MAST1: variants seen among roughly 807,000 people sequenced by gnomAD.
MAST1 encodes the protein microtubule-associated serine/threonine-protein kinase 1.
MAST1 carries 40 observed loss-of-function variants against 124.6 expected under a neutral mutation model. The ratio of observed to expected loss-of-function variants is 0.32; its 90% CI spans 0.25 to 0.42. MAST1 has a LOEUF of 0.42. Among genes scored for constraint, MAST1 ranks in the 10% least tolerant of loss-of-function variants. The probability of loss-of-function intolerance (pLI) is 1.00; values close to 1 mark genes in which losing one functional copy is unlikely to be tolerated. For synonymous variants in MAST1, 938 were observed against 939.4 expected (o/e 1.00, Z 0.03); for missense variants, 1,558 against 2,181.9 (o/e 0.71, Z 5.70).
At position 12,870,683 on chromosome 19, in the gene MAST1, G is replaced by C. The variant is rs143261932; in HGVS notation, c.3004-141G>C. The C allele has an allele frequency of 2.0e-3, 1,796 of 877,164 alleles. 6 individuals are homozygous for C. Among genetic ancestry groups the C allele is most frequent in the Non-Finnish European group, 2.5e-3 (1,568 of 615,758 alleles). 54.3% of individuals were successfully genotyped at this position (877,164 alleles called of 1,614,324 possible). On this transcript the variant is annotated intron_variant, in intron 22 of 25. Coordinates refer to ENST00000251472, the MANE Select transcript of MAST1 (RefSeq NM_014975.3). ...CCGTCCAAAAAAAAAAAAAAAATGT[G>C]GGGGGAGGAATAATAACTATTTCAC...
Position 12,841,189 on chromosome 19 carries a change from C to G in MAST1, c.248+123C>G. On this transcript the variant is annotated intron_variant, in intron 3 of 25. Coordinates refer to ENST00000251472, the MANE Select transcript of MAST1 (RefSeq NM_014975.3). This position sits in a 1 kb window ranked among gnomAD's most constrained non-coding sequence, Gnocchi z 4.3. ...GGGGCCTGAGGGGACCAGCGAGTGC[C>G]CCAAGGTCTCAGCGGGAAGGAGCGC... 1.6e-6 allele frequency: 1 copy of G among 615,350 alleles called. No individual in the cohort carries two copies. The highest frequency in any genetic ancestry group is 2.9e-5 in the East Asian group (1 of 34,342). The allele number at this position is 615,350 out of a possible 1,614,324, so 38.1% of individuals were successfully genotyped here. A position where few individuals can be genotyped will look rare whatever the true frequency, so the allele number is the denominator to read the frequency against.
rs775320826 is a variant in MAST1 at position 12,843,493 on chromosome 19, G to T, written c.249-36G>T. On this transcript the variant is annotated intron_variant, in intron 3 of 25. Transcript: ENST00000251472. This position sits in a 1 kb window ranked among gnomAD's most constrained non-coding sequence, Gnocchi z 4.9. ...CCTGAGGAGTTGGGGGACCGCTGGG[G>T]CCTTGTGGCCTCTGAGCACCTTGGC... 7.6e-6 allele frequency: 12 copies of T among 1,581,638 alleles called. No individual in the cohort carries two copies. The highest frequency in any genetic ancestry group is 8.7e-6 in the Non-Finnish European group (10 of 1,153,184).
rs781524988 is a variant in MAST1 at position 12,841,090 on chromosome 19, C to T, written c.248+24C>T. Reference sequence around the variant, plus strand: ...AGGTGAGTCCCTCCCCTCCAGGGCCCCAGAACCCTGGGCAGACCCTCCCCA... The same window carrying T: ...AGGTGAGTCCCTCCCCTCCAGGGCCTCAGAACCCTGGGCAGACCCTCCCCA... On this transcript the variant is annotated intron_variant, in intron 3 of 25. Transcript: ENST00000251472. This position sits in a 1 kb window ranked among gnomAD's most constrained non-coding sequence, Gnocchi z 4.3. 7.9e-7 allele frequency: 1 copy of T among 1,261,394 alleles called. No homozygotes were observed. The highest frequency in any genetic ancestry group is 1.7e-5 in the Admixed American group (1 of 59,052). 78.1% of individuals were successfully genotyped at this position (1,261,394 alleles called of 1,614,324 possible). A position where few individuals can be genotyped will look rare whatever the true frequency, so the allele number is the denominator to read the frequency against.
Position 12,847,260 on chromosome 19 carries a change from C to A in MAST1, c.328-30C>A. The A allele has an allele frequency of 6.5e-7, 1 of 1,542,430 alleles. No homozygotes were observed. Among genetic ancestry groups the A allele is most frequent in the Non-Finnish European group, 8.9e-7 (1 of 1,121,138 alleles). On this transcript the variant is annotated intron_variant, in intron 4 of 25. Transcript: ENST00000251472. This position sits in a 1 kb window ranked among gnomAD's most constrained non-coding sequence, Gnocchi z 5.5. The stretch of plus-strand genomic sequence containing the variant: ...TGAGCTGTTGGGGGGCCCATGGTGG[C>A]TCTGACCCCGGCCCTGCCCCTGTCC...
rs938165577 is a variant in MAST1, at chr19:12,853,887, A to C, written c.1077+1492A>C. Among the ~76,000 whole-genome samples, 71 of 136,754 alleles carry C rather than the reference A, an allele frequency of 5.2e-4. 1 individual carries two copies. Among genetic ancestry groups the C allele is most frequent in the Admixed American group, 2.6e-3 (34 of 13,156 alleles). The allele number at this position is 136,754 out of a possible 152,430, so 89.7% of individuals were successfully genotyped here. A position where few individuals can be genotyped will look rare whatever the true frequency, so the allele number is the denominator to read the frequency against. On this transcript the variant is annotated intron_variant, in intron 10 of 25. Coordinates refer to ENST00000251472, the MANE Select transcript of MAST1 (RefSeq NM_014975.3). The stretch of plus-strand genomic sequence containing the variant: ...TCTGTCTCAAAATAATAATAATAAT[A>C]ATAATAATAATAATAATAATAATGA...
At chr19:12,856,290 G>C (rs1970016689) in intron 10 of MAST1, among the ~76,000 whole-genome samples, 2 of 148,610 alleles carry the variant, frequency 1.3e-5, no homozygotes, top group African/African-American at 4.9e-5. Context: ...TGATTACATA[G>C]TTTTATTTTG....
At chr19:12,853,165 T>C (rs561117906) in intron 10 of MAST1, among the ~76,000 whole-genome samples, 3 of 150,380 alleles carry the variant, frequency 2.0e-5, no homozygotes, top group African/African-American at 4.8e-5. Context: ...AGACTAAAAT[T>C]TCTCCATGTT....
chr19:12,863,625 A>G (rs1368864047), intron 12 of MAST1, among the ~76,000 whole-genome samples: 1 of 152,182 alleles, frequency 6.6e-6, no homozygotes, highest in Admixed American at 6.5e-5. Flanking sequence ...ATCTCAGCTT[A>G]CATTCTATGA....
chr19:12,843,719 G>A lies in MAST1; in HGVS notation c.327+112G>A, dbSNP rs1451624351. 1 of 881,894 alleles carries A rather than the reference G, an allele frequency of 1.1e-6. No individual in the cohort carries two copies. Among genetic ancestry groups the A allele is most frequent in the Non-Finnish European group, 1.7e-6 (1 of 572,670 alleles). 54.6% of individuals were successfully genotyped at this position (881,894 alleles called of 1,614,324 possible). ...CAGGCTGGGCTTGATGACAGTTTAG[G>A]GCCAGGCTCAGTGACTCAAGCCTGT... On this transcript the variant is annotated intron_variant, in intron 4 of 25. Transcript: ENST00000251472. The surrounding 1 kb of genome is among the most constrained non-coding windows in gnomAD (Gnocchi z 4.9).
chr19:12,866,562 A>C lies in MAST1; in HGVS notation c.2030-91A>C. ...GCGTGGCCTGACCTGAAGACTTGTA[A>C]ACCCGTCTTGAACCAGGACTGGGCT... On this transcript the variant is annotated intron_variant, in intron 17 of 25. Coordinates refer to ENST00000251472, the MANE Select transcript of MAST1 (RefSeq NM_014975.3). This position sits in a 1 kb window ranked among gnomAD's most constrained non-coding sequence, Gnocchi z 5.2. The C allele has an allele frequency of 1.2e-6, 1 of 822,578 alleles. No individual in the cohort carries two copies. Among genetic ancestry groups the C allele is most frequent in the East Asian group, 2.7e-5 (1 of 37,400 alleles). The allele number at this position is 822,578 out of a possible 1,614,324, so 51.0% of individuals were successfully genotyped here.
intron 7 of MAST1, among the ~76,000 whole-genome samples, chr19:12,850,753 G>A (rs984169830): frequency 6.6e-6 from 1 of 151,766 alleles, no homozygotes; most frequent in African/African-American, 2.4e-5. Context: ...ATTTGAGATG[G>A]AGGACTCTCT....
chr19:12,869,161 T>C lies in MAST1; in HGVS notation c.2869T>C (p.Tyr957His). The change falls in exon 22 of 26, where the codon TAC becomes CAC. Residue 957 changes from tyrosine (Y) to histidine (H), a missense_variant. By Grantham distance (83) the Tyr-to-His change is moderately conservative (BLOSUM62 2). Coordinates refer to ENST00000251472, the MANE Select transcript of MAST1 (RefSeq NM_014975.3). ...ACGGGACTCCTCACCCAGCCGGGACTACTCACCAGCTGTCAGTGGGCTCCG... is the reference window on the plus strand; with the variant it reads ...ACGGGACTCCTCACCCAGCCGGGACCACTCACCAGCTGTCAGTGGGCTCCG... The part of the protein sequence containing the change: ...SSRDSSPSRD[Y>H]SPAVSGLRSP... 6.2e-7 allele frequency: 1 copy of C among 1,614,194 alleles called. No individual in the cohort carries two copies. Among genetic ancestry groups the C allele is most frequent in the Non-Finnish European group, 8.5e-7 (1 of 1,180,024 alleles).
chr19:12,858,495 G>T, intron 11 of MAST1, 36 bp from the exon 12 acceptor site: 1 of 1,612,258 alleles, frequency 6.2e-7, no homozygotes, highest in African/African-American at 1.3e-5. Context: ...GGGTGTCTCG[G>T]AGGTGACGGC....
chr19:12,866,792 G>A lies in MAST1; in HGVS notation c.2139+30G>A, dbSNP rs764808085. 15 of 1,548,324 alleles carry A rather than the reference G, an allele frequency of 9.7e-6. No individual in the cohort carries two copies. The Admixed American group carries it at 2.1e-4, about 21-fold the overall frequency. On this transcript the variant is annotated intron_variant, in intron 18 of 25. Transcript: ENST00000251472. This position sits in a 1 kb window ranked among gnomAD's most constrained non-coding sequence, Gnocchi z 5.2. ...GCCAAGTCTGGGTGTGGGACAGGGC[G>A]AGACCCCAGGAGGGATGGGGCTTGG...
chr19:12,864,836 A>C lies in MAST1; in HGVS notation c.1394A>C (p.Asn465Thr), dbSNP rs1159620709. Reference protein sequence around the residue: ...EGGDCATLLKNIGALPVEMAR... With the variant: ...EGGDCATLLKTIGALPVEMAR... ...GGCGACTGTGCCACCCTGCTGAAGAATATTGGAGCGCTGCCCGTAGAGATG... is the reference window on the plus strand; with the variant it reads ...GGCGACTGTGCCACCCTGCTGAAGACTATTGGAGCGCTGCCCGTAGAGATG... Residue 465 changes from asparagine to threonine, a missense_variant, in exon 13 of 26, where the codon AAT (asparagine) becomes ACT (threonine). By Grantham distance (65) the Asn-to-Thr change is moderately conservative. Around this residue, in one of 10 missense-constraint regions of MAST1, gnomAD observed 145 missense variants for 350.0 expected, o/e 0.41. Transcript: ENST00000251472. The C allele has an allele frequency of 6.2e-7, 1 of 1,614,016 alleles. No individual in the cohort carries two copies. The highest frequency in any genetic ancestry group is 8.5e-7 in the Non-Finnish European group (1 of 1,180,018).
At chr19:12,851,050 C>T (rs1032696875) in intron 7 of MAST1, among the ~76,000 whole-genome samples, 13 of 150,234 alleles carry the variant, frequency 8.7e-5, no homozygotes, top group South Asian at 2.1e-4. Context: ...CTGGTTCAAG[C>T]GATTCTCTTG....
rs563663915 is a variant in MAST1 at position 12,842,719 on chromosome 19, C to T, written c.249-810C>T. Among the ~76,000 whole-genome samples, 8 of 152,212 alleles carry T rather than the reference C, an allele frequency of 5.3e-5. No individual in the cohort carries two copies. The East Asian group carries it at 1.5e-3, about 29-fold the overall frequency. On this transcript the variant is annotated intron_variant, in intron 3 of 25. Coordinates refer to ENST00000251472, the MANE Select transcript of MAST1 (RefSeq NM_014975.3). ...TGCGTGCGAGTGTGAATGAGTGTGTCGCTGTGTGCAAGTTTCAATGTGTGG... is the reference window on the plus strand; with the variant it reads ...TGCGTGCGAGTGTGAATGAGTGTGTTGCTGTGTGCAAGTTTCAATGTGTGG...
intron 7 of MAST1, 74 bp from the exon 8 acceptor site, chr19:12,851,860 C>T: frequency 2.7e-6 from 3 of 1,129,298 alleles, no homozygotes; most frequent in Non-Finnish European, 3.9e-6. Context: ...AGTATGTACT[C>T]TGAGGGGCTG....
chr19:12,861,400 C>T (rs943473137), intron 12 of MAST1, among the ~76,000 whole-genome samples: 16 of 152,120 alleles, frequency 1.1e-4, no homozygotes, highest in African/African-American at 3.4e-4. Flanking sequence ...GTCCATGAGG[C>T]TGGAGGAGGT....
Sources: allele counts gnomAD v4.1 joint callset (sites outside exome capture counted in the v4.1 genomes callset), GRCh38; gene constraint gnomAD v4.1.1; regional missense constraint gnomAD v4.1.1; non-coding constraint Gnocchi (gnomAD v3.1); transcripts MANE v1.5; gene names NCBI Gene and HGNC (gene_info 2026-07-23, HGNC 2026-07-21).